The following DCLK1 variants were observed in gnomAD, a reference collection of about 807,000 sequenced individuals.
DCLK1 encodes the protein doublecortin like kinase 1, also known as serine/threonine-protein kinase DCLK1.
Under a neutral mutation model 86.2 loss-of-function variants are expected in DCLK1, and 16 were observed. The ratio of observed to expected loss-of-function variants is 0.19; its 90% CI spans 0.13 to 0.28. The LOEUF is 0.28. Ranked by LOEUF, DCLK1 falls within the 10% of genes least tolerant of loss-of-function variation. DCLK1 has a pLI of 1.00. For missense variants in DCLK1, 590 were observed against 940.2 expected, an observed-to-expected ratio of 0.63 and a Z score of 4.87; for synonymous variants, 369 against 370.5, an observed-to-expected ratio of 1.00 and a Z score of 0.05.
intron 3 of DCLK1, among the ~76,000 whole-genome samples, chr13:36,050,025 G>A (rs1883067552): frequency 6.6e-6 from 1 of 152,144 alleles, no homozygotes; most frequent in African/African-American, 2.4e-5. Flanking sequence ...GCTACCAAGT[G>A]TTTAACAACT....
chr13:35,830,919 A>C (rs1868909952), intron 8 of DCLK1, among the ~76,000 whole-genome samples: 1 of 152,136 alleles, frequency 6.6e-6, no homozygotes, highest in Admixed American at 6.5e-5. Context: ...TGAAGGAGTA[A>C]TTTTAAAGCA....
intron 3 of DCLK1, among the ~76,000 whole-genome samples, chr13:36,080,889 T>C (rs537908287): frequency 3.7e-4 from 56 of 152,084 alleles, no homozygotes; most frequent in Non-Finnish European, 7.1e-4. Flanking sequence ...CTAAGAAACA[T>C]TTTAATTGTC....
intron 11 of DCLK1, among the ~76,000 whole-genome samples, chr13:35,815,061 T>C (rs2087238221): frequency 6.6e-6 from 1 of 152,184 alleles, no homozygotes; most frequent in African/African-American, 2.4e-5. Flanking sequence ...CAAGAACAGA[T>C]ATAACGAAAG....
intron 16 of DCLK1, among the ~76,000 whole-genome samples, chr13:35,793,051 T>G (rs1443828034): frequency 1.3e-5 from 2 of 152,156 alleles, no homozygotes; most frequent in Non-Finnish European, 2.9e-5. Context: ...CTCTTTTTCT[T>G]AGAGCCAAGA....
Position 35,808,280 on chromosome 13 carries a change from T to A in DCLK1, c.1807A>T (p.Met603Leu). Residue 603 changes from methionine (M) to leucine (L), a missense_variant, in exon 14 of 17, where the codon ATG (methionine) becomes TTG (leucine). Physicochemically the swap from Met to Leu is conservative, Grantham distance 15. Around this residue, in one of 6 missense-constraint regions of DCLK1, gnomAD observed 146 missense variants for 190.2 expected, o/e 0.77. Transcript: ENST00000360631. ...DQEVLFDQIL[M>L]GQVDFPSPYW... ...GGAGAAGGAAAGTCCACCTGCCCCA[T>A]CAAAATCTGATCAAAAAGCACCTCC... 1.2e-6 allele frequency: 2 copies of A among 1,614,048 alleles called. No homozygotes were observed. The highest frequency in any genetic ancestry group is 8.5e-7 in the Non-Finnish European group (1 of 1,179,972).
At chr13:35,792,039 A>T (rs1252990493) in intron 16 of DCLK1, among the ~76,000 whole-genome samples, 3 of 152,242 alleles carry the variant, frequency 2.0e-5, no homozygotes, top group Non-Finnish European at 4.4e-5. Flanking sequence ...TCTATGGAAG[A>T]TGTAAAGGTT....
chr13:35,795,959 CCAA>C (rs1275810323), intron 15 of DCLK1, among the ~76,000 whole-genome samples: 2 of 144,386 alleles, frequency 1.4e-5, no homozygotes, highest in African/African-American at 5.2e-5. Context: ...CAACAAAAAA[CCAA>C]CAACAACTGG....
intron 4 of DCLK1, among the ~76,000 whole-genome samples, chr13:35,877,452 G>C (rs1203504749): frequency 6.6e-6 from 1 of 152,218 alleles, no homozygotes; most frequent in Non-Finnish European, 1.5e-5. Flanking sequence ...ATTCAAAGGG[G>C]CCTACTTAGA....
At chr13:35,779,470 A>AT (rs2153097516) in intron 16 of DCLK1, among the ~76,000 whole-genome samples, 1 of 152,224 alleles carries the variant, frequency 6.6e-6, no homozygotes, top group South Asian at 2.1e-4. Flanking sequence ...ACTTCTTTGC[A>AT]TTTTCCAGAT....
intron 4 of DCLK1, among the ~76,000 whole-genome samples, chr13:35,934,008 T>A (rs940973677): frequency 1.3e-5 from 2 of 152,210 alleles, no homozygotes; most frequent in African/African-American, 4.8e-5. Flanking sequence ...CTTTGATGCT[T>A]AGAAATTTCT....
At chr13:35,850,709 C>T in intron 6 of DCLK1, 6 of 1,597,376 alleles carry the variant, frequency 3.8e-6, no homozygotes, top group Non-Finnish European at 5.1e-6. Context: ...TACATTGCTC[C>T]ATTGTTTCTT....
chr13:35,826,605 A>G (rs8000101), intron 10 of DCLK1, among the ~76,000 whole-genome samples: 18,088 of 148,092 alleles, frequency 0.12, 1,525 homozygotes, highest in Middle Eastern at 0.17. Flanking sequence ...TTTCACCTAT[A>G]AATACAAATA....
chr13:36,011,227 T>G (rs1478166166), intron 3 of DCLK1, among the ~76,000 whole-genome samples: 30 of 58,654 alleles, frequency 5.1e-4, no homozygotes, highest in Non-Finnish European at 4.2e-4. Flanking sequence ...TCTATTTCCT[T>G]CAGTTCTGCT....
At chr13:35,963,617 T>C (rs1878574154) in intron 3 of DCLK1, among the ~76,000 whole-genome samples, 1 of 152,226 alleles carries the variant, frequency 6.6e-6, no homozygotes, top group Non-Finnish European at 1.5e-5. Flanking sequence ...TTAGACTTTG[T>C]ATCCCCACCC....
chr13:36,088,729 C>T (rs745534269), intron 3 of DCLK1, among the ~76,000 whole-genome samples: 1 of 152,132 alleles, frequency 6.6e-6, no homozygotes, highest in African/African-American at 2.4e-5. Flanking sequence ...GGAACCTTAA[C>T]ATTAGTGGTA....
chr13:35,975,632 C>T lies in DCLK1; in HGVS notation c.724-28175G>A, dbSNP rs1228261072. Among the ~76,000 whole-genome samples the T allele has an allele frequency of 2.0e-5, 3 of 151,282 alleles. No individual in the cohort carries two copies. The East Asian group carries it at 5.9e-4, about 30-fold the overall frequency. Reference sequence around the variant, plus strand: ...AAACTGGAGACAAAAGGAGGAGGCACGACTGTGCCCTGAGCACGGGGATGA... The same window carrying T: ...AAACTGGAGACAAAAGGAGGAGGCATGACTGTGCCCTGAGCACGGGGATGA... On this transcript the variant is annotated intron_variant, in intron 3 of 16. Coordinates refer to ENST00000360631, the MANE Select transcript of DCLK1 (RefSeq NM_001330071.2).
chr13:35,971,894 A>G (rs957634597), intron 3 of DCLK1, among the ~76,000 whole-genome samples: 24 of 152,154 alleles, frequency 1.6e-4, no homozygotes, highest in Non-Finnish European at 1.0e-4. Context: ...TGTTGTTTGC[A>G]CAAGGACAGG....
At position 35,894,350 on chromosome 13, in the gene DCLK1, C is replaced by T. The variant is rs537409544; in HGVS notation, c.824-23010G>A. On this transcript the variant is annotated intron_variant, in intron 4 of 16. Coordinates refer to ENST00000360631, the MANE Select transcript of DCLK1 (RefSeq NM_001330071.2). ...GGGGCACACAGCTACACGGCATCTG[C>T]GCCAGAACTTGAACTTGGTGCAGTC... Among the ~76,000 whole-genome samples the T allele has an allele frequency of 4.2e-4, 64 of 152,312 alleles. No homozygotes were observed. The Middle Eastern group carries it at 0.01, about 24-fold the overall frequency.
intron 3 of DCLK1, among the ~76,000 whole-genome samples, chr13:36,096,715 A>C (rs1885032678): frequency 6.6e-6 from 1 of 152,188 alleles, no homozygotes; most frequent in Non-Finnish European, 1.5e-5. Flanking sequence ...GAAATATGTT[A>C]ATATCATGTG....
Sources: allele counts gnomAD v4.1 joint callset (sites outside exome capture counted in the v4.1 genomes callset), GRCh38; gene constraint gnomAD v4.1.1; regional missense constraint gnomAD v4.1.1; transcripts MANE v1.5; gene names NCBI Gene and HGNC (gene_info 2026-07-23, HGNC 2026-07-21).